ACSM4: variants seen among roughly 807,000 people sequenced by gnomAD.
ACSM4 encodes acyl-coenzyme A synthetase ACSM4, mitochondrial.
A neutral mutation model predicts 73.0 loss-of-function variants in ACSM4; 66 were observed. The observed-to-expected ratio is 0.90, with a 90% CI of 0.74 to 1.11. ACSM4 has a LOEUF of 1.11. Ranked by LOEUF, ACSM4 falls within the 50% of genes least tolerant of loss-of-function variation. The pLI, the probability that ACSM4 is intolerant of heterozygous loss-of-function variation, is 0.00. For missense variants in ACSM4, 645 were observed against 714.4 expected, an observed-to-expected ratio of 0.90 and a Z score of 1.11; for synonymous variants, 222 against 254.0, an observed-to-expected ratio of 0.87 and a Z score of 1.20.
At chr12:7,304,760 G>C (rs138199118) in intron 1 of ACSM4, among the ~76,000 whole-genome samples, 1 of 152,314 alleles carries the variant, frequency 6.6e-6, no homozygotes, top group South Asian at 2.1e-4. Context: ...CCCCATGGTC[G>C]TTCCTCACAG....
At position 7,324,369 on chromosome 12, in the gene ACSM4, G is replaced by A. The variant is rs771911200; in HGVS notation, c.1405G>A (p.Gly469Ser). ...MDSDGYFWFV[G>S]RADDVIISSG... is the part of the protein sequence containing the mutation. Reference sequence around the variant, plus strand: ...CAGTGATGGGTATTTCTGGTTTGTCGGCAGAGCTGATGATGTCATTATATC... The same window carrying A: ...CAGTGATGGGTATTTCTGGTTTGTCAGCAGAGCTGATGATGTCATTATATC... The change falls in exon 10 of 13, where the codon GGC (glycine) becomes AGC (serine). Residue 469 changes from glycine to serine, a missense_variant. Coordinates refer to ENST00000399422, the MANE Select transcript of ACSM4 (RefSeq NM_001080454.2). The A allele has an allele frequency of 2.5e-5, 40 of 1,614,082 alleles. 1 individual carries two copies. The South Asian group carries it at 3.0e-4, about 12-fold the overall frequency.
rs1461345679 is a variant in ACSM4 at position 7,324,712 on chromosome 12, A to C, written c.1536+114A>C. On this transcript the variant is annotated intron_variant, in intron 11 of 12. Coordinates refer to ENST00000399422, the MANE Select transcript of ACSM4 (RefSeq NM_001080454.2). ...AATCTATTAATTCTCGTTATGAAGC[A>C]TGCATTTGGCCAAAATATAAATCAG... 6.0e-6 allele frequency: 7 copies of C among 1,166,842 alleles called. No individual in the cohort carries two copies. In the Admixed American group the frequency reaches 1.6e-4, roughly 26 times the overall value. The allele number at this position is 1,166,842 out of a possible 1,614,324, so 72.3% of individuals were successfully genotyped here.
intron 9 of ACSM4, 22 bp downstream of exon 9, chr12:7,323,582 G>A (rs1361621457): frequency 3.1e-6 from 5 of 1,595,840 alleles, no homozygotes; most frequent in Non-Finnish European, 4.3e-6. Flanking sequence ...GAAAGTGCTG[G>A]TCATGCTTAA....
intron 3 of ACSM4, among the ~76,000 whole-genome samples, chr12:7,315,821 C>A (rs1430803818): frequency 6.6e-6 from 1 of 152,156 alleles, no homozygotes; most frequent in Non-Finnish European, 1.5e-5. Flanking sequence ...ATCAGCCTGA[C>A]TGGGGCTCAA....
At chr12:7,310,383 A>C (rs972359839) in intron 2 of ACSM4, among the ~76,000 whole-genome samples, 156 bp from the exon 3 acceptor site, 7 of 152,196 alleles carry the variant, frequency 4.6e-5, no homozygotes, top group Non-Finnish European at 1.0e-4. Context: ...TCTCTCAGGG[A>C]TCAGGGTCCT....
Position 7,304,411 on chromosome 12 carries a change from A to T in ACSM4, c.80A>T (p.His27Leu), listed in dbSNP as rs775824923. 4 of 1,613,888 alleles carry T rather than the reference A, an allele frequency of 2.5e-6. No homozygotes were observed. The highest frequency in any genetic ancestry group is 2.5e-6 in the Non-Finnish European group (3 of 1,179,874). ...CCTGGCCGGCGCTTACACAAAGATC[A>T]CCAGCTTTGGACGCCTCTGACTCTT... ...KPPGRRLHKD[H>L]QLWTPLTLAD... The change falls in exon 1 of 13, where the codon CAC (histidine) becomes CTC (leucine). Residue 27 changes from histidine (H) to leucine (L), a missense_variant. Physicochemically the swap from His to Leu is moderately conservative, Grantham distance 99. Coordinates refer to ENST00000399422, the MANE Select transcript of ACSM4 (RefSeq NM_001080454.2).
intron 5 of ACSM4, 122 bp downstream of exon 5, chr12:7,318,304 C>T (rs936446160): frequency 2.3e-6 from 3 of 1,314,686 alleles, no homozygotes; most frequent in African/African-American, 2.9e-5. Context: ...TTTCTTTATA[C>T]AAAGCAAAGT....
At chr12:7,309,377 T>C (rs1228195706) in intron 2 of ACSM4, among the ~76,000 whole-genome samples, 1 of 152,216 alleles carries the variant, frequency 6.6e-6, no homozygotes, top group African/African-American at 2.4e-5. Flanking sequence ...CAGTAGTCTC[T>C]AGGCATTTTT....
chr12:7,326,898 C>T lies in ACSM4; in HGVS notation c.1537-78C>T, dbSNP rs776684612. 301 of 1,437,640 alleles carry T rather than the reference C, an allele frequency of 2.1e-4. 2 individuals are homozygous for T. The African/African-American group carries it at 4.0e-3, about 19-fold the overall frequency. 89.1% of individuals were successfully genotyped at this position (1,437,640 alleles called of 1,614,324 possible). Reference sequence around the variant, plus strand: ...ACTGTTATTAATAAATAGTAAGCACCTGTGTTCAGCATTTGTTGCAAATCC... The same window carrying T: ...ACTGTTATTAATAAATAGTAAGCACTTGTGTTCAGCATTTGTTGCAAATCC... On this transcript the variant is annotated intron_variant, in intron 11 of 12. Coordinates refer to ENST00000399422, the MANE Select transcript of ACSM4 (RefSeq NM_001080454.2).
intron 1 of ACSM4, 101 bp from the exon 2 acceptor site, chr12:7,306,432 G>T: frequency 8.9e-7 from 1 of 1,121,610 alleles, no homozygotes; most frequent in Non-Finnish European, 1.3e-6. Context: ...TTAGCAGAAT[G>T]CACCAGAACC....
Position 7,320,765 on chromosome 12 carries a change from C to T in ACSM4, c.962C>T (p.Pro321Leu). The change falls in exon 6 of 13, where the codon CCC (proline) becomes CTC (leucine). Residue 321 changes from proline to leucine, a missense_variant. Pro to Leu is a moderately conservative substitution (Grantham distance 98, BLOSUM62 -3). Transcript: ENST00000399422. ...CCCATCACGACCCTGTGCAGTCCTC[C>T]CACTGTGTACCGGATGCTCGTGCAA... ...TYPITTLCSPPTVYRMLVQKD... is the reference protein window; with the variant it reads ...TYPITTLCSPLTVYRMLVQKD... 5.6e-6 allele frequency: 9 copies of T among 1,613,706 alleles called. No homozygotes were observed. The highest frequency in any genetic ancestry group is 7.6e-6 in the Non-Finnish European group (9 of 1,179,772).
At position 7,306,654 on chromosome 12, in the gene ACSM4, C is replaced by T. The variant is rs749254594; in HGVS notation, c.323C>T (p.Pro108Leu). ...SRKAANVLTK[P>L]CGLQRGDRLA... ...AAAGCTGCCAACGTGCTCACCAAGC[C>T]CTGTGGCCTGCAGAGAGGAGACCGT... Residue 108 changes from proline (P) to leucine (L), a missense_variant, in exon 2 of 13, where the codon CCC becomes CTC. Transcript: ENST00000399422. The T allele has an allele frequency of 8.1e-6, 13 of 1,610,094 alleles. No homozygotes were observed. Among genetic ancestry groups the T allele is most frequent in the Non-Finnish European group, 1.1e-5 (13 of 1,178,444 alleles).
In ACSM4 at chr12:7,304,379, C is replaced by G. The variant is rs1245641685; in HGVS notation, c.48C>G (p.Thr16=). 1.9e-6 allele frequency: 3 copies of G among 1,613,970 alleles called. No individual in the cohort carries two copies. The highest frequency in any genetic ancestry group is 1.7e-6 in the Non-Finnish European group (2 of 1,179,850). Residue 16 remains threonine, a synonymous_variant, in exon 1 of 13, where the codon ACC becomes ACG. Coordinates refer to ENST00000399422, the MANE Select transcript of ACSM4 (RefSeq NM_001080454.2). ...AGACATTTAGATTCATCTGGCTCAC[C>G]AAGCCACCTGGCCGGCGCTTACACA... The part of the protein sequence containing the change: ...RYQTFRFIWL[T]KPPGRRLHKD...
At chr12:7,306,386 A>G in intron 1 of ACSM4, 147 bp from the exon 2 acceptor site, 1 of 713,740 alleles carries the variant, frequency 1.4e-6, no homozygotes, top group Non-Finnish European at 2.4e-6. Flanking sequence ...TCAATAGGAG[A>G]GGGGCAGTTC....
In ACSM4 at chr12:7,306,591, T is replaced by C. The variant is rs752395054; in HGVS notation, c.260T>C (p.Val87Ala). The change falls in exon 2 of 13, where the codon GTA becomes GCA. Residue 87 changes from valine to alanine, a missense_variant. Coordinates refer to ENST00000399422, the MANE Select transcript of ACSM4 (RefSeq NM_001080454.2). ...LWWVNGKGDE[V>A]KWSFRELGSL... ...TGGGTGAATGGCAAAGGGGATGAGG[T>C]AAAATGGAGCTTCAGAGAACTGGGC... The C allele has an allele frequency of 1.0e-5, 16 of 1,601,362 alleles. No homozygotes were observed. The South Asian group carries it at 1.8e-4, about 18-fold the overall frequency.
In ACSM4 at chr12:7,307,178, C is replaced by T. The variant is rs1239690213; in HGVS notation, c.412+435C>T. Among the ~76,000 whole-genome samples, 7 of 152,080 alleles carry T rather than the reference C, an allele frequency of 4.6e-5. No homozygotes were observed. The South Asian group carries it at 8.3e-4, about 18-fold the overall frequency. Reference sequence around the variant, plus strand: ...CTGAGGCAGGAGAATCGCGTGAACCCGGGAGGTGGAGGTTTCAGTGAGCTG... The same window carrying T: ...CTGAGGCAGGAGAATCGCGTGAACCTGGGAGGTGGAGGTTTCAGTGAGCTG... On this transcript the variant is annotated intron_variant, in intron 2 of 12. Coordinates refer to ENST00000399422, the MANE Select transcript of ACSM4 (RefSeq NM_001080454.2).
In ACSM4 at chr12:7,306,672, G is replaced by A; in HGVS notation, c.341G>A (p.Gly114Glu). The change falls in exon 2 of 13, where the codon GGA (glycine) becomes GAA (glutamate). Residue 114 changes from glycine to glutamate, a missense_variant. Coordinates refer to ENST00000399422, the MANE Select transcript of ACSM4 (RefSeq NM_001080454.2). ...ACCAAGCCCTGTGGCCTGCAGAGAG[G>A]AGACCGTTTGGCCGTGATTCTGCCC... The part of the protein sequence containing the change: ...VLTKPCGLQR[G>E]DRLAVILPRI... 1 of 1,611,330 alleles carries A rather than the reference G, an allele frequency of 6.2e-7. No homozygotes were observed. Among genetic ancestry groups the A allele is most frequent in the Non-Finnish European group, 8.5e-7 (1 of 1,178,884 alleles).
In ACSM4 at chr12:7,323,495, A is replaced by T; in HGVS notation, c.1243A>T (p.Lys415Ter). 3 of 1,613,972 alleles carry T rather than the reference A, an allele frequency of 1.9e-6. No homozygotes were observed. Among genetic ancestry groups the T allele is most frequent in the Non-Finnish European group, 2.5e-6 (3 of 1,179,854 alleles). ...DENGNVLPPGKEGEIALRLKP... is the reference protein window; with the variant it reads ...DENGNVLPPG The stretch of plus-strand genomic sequence containing the variant: ...AAATGGCAATGTTCTACCACCTGGC[A>T]AAGAAGGGGAAATTGCCCTCAGACT... Residue 415 changes from lysine (K) to a stop codon, truncating the protein, a stop_gained, in exon 9 of 13, where the codon AAA becomes TAA. Transcript: ENST00000399422. LOFTEE classifies it high-confidence loss of function.
chr12:7,305,848 GT>G (rs1180572438), intron 1 of ACSM4, among the ~76,000 whole-genome samples: 1 of 152,196 alleles, frequency 6.6e-6, no homozygotes, highest in Non-Finnish European at 1.5e-5. Context: ...AGAAGGGAGA[GT>G]AATTTTTTTC....
Sources: gnomAD v4.1 joint callset for allele counts (sites outside exome capture counted in the v4.1 genomes callset) on GRCh38, gnomAD v4.1.1 for gene constraint, MANE v1.5 for transcripts, NCBI Gene and HGNC (gene_info 2026-07-23, HGNC 2026-07-21) for gene names.